The following HHAT variants were observed in gnomAD, a reference collection of about 807,000 sequenced individuals.
HHAT encodes the protein protein-cysteine N-palmitoyltransferase HHAT.
A neutral mutation model predicts 70.8 loss-of-function variants in HHAT; 47 were observed. That is an observed-to-expected ratio of 0.66 (90% CI 0.53 to 0.85). The LOEUF is 0.85. HHAT is among the 40% of genes least tolerant of loss of function. HHAT has a pLI of 0.00. For missense variants in HHAT, 609 were observed against 604.8 expected, an observed-to-expected ratio of 1.01 and a Z score of -0.07; for synonymous variants, 228 against 247.6, an observed-to-expected ratio of 0.92 and a Z score of 0.74.
chr1:210,663,775 A>G (rs1162921232), intron 11 of HHAT, among the ~76,000 whole-genome samples: 1 of 152,148 alleles, frequency 6.6e-6, no homozygotes, highest in African/African-American at 2.4e-5. Context: ...CCCCAGATCT[A>G]CTGGATCAGA....
chr1:210,584,410 C>T (rs1431969713), intron 9 of HHAT, among the ~76,000 whole-genome samples: 1 of 152,130 alleles, frequency 6.6e-6, no homozygotes, highest in Non-Finnish European at 1.5e-5. Context: ...TTTATTTTTA[C>T]ATACAACACT....
At chr1:210,435,645 GAT>G (rs2148339316) in intron 7 of HHAT, among the ~76,000 whole-genome samples, 1 of 151,654 alleles carries the variant, frequency 6.6e-6, no homozygotes, top group South Asian at 2.1e-4. Context: ...TTATTTTTTT[GAT>G]AAAAGCCATC....
At chr1:210,501,839 A>G (rs1017810065) in intron 8 of HHAT, among the ~76,000 whole-genome samples, 2 of 152,102 alleles carry the variant, frequency 1.3e-5, no homozygotes, top group Non-Finnish European at 2.9e-5. Context: ...CATCAAGAAC[A>G]CTGCCTTGCT....
Position 210,550,709 on chromosome 1 carries a change from G to A in HHAT, c.1044-37189G>A, listed in dbSNP as rs564359770. On this transcript the variant is annotated intron_variant, in intron 9 of 11. Coordinates refer to ENST00000261458, the MANE Select transcript of HHAT (RefSeq NM_018194.6). Reference sequence around the variant, plus strand: ...TTTTGAGACAGAGTCTCACTCTGTTGCCCAGGCTGGAGTGCAGTGGCATGA... The same window carrying A: ...TTTTGAGACAGAGTCTCACTCTGTTACCCAGGCTGGAGTGCAGTGGCATGA... 6.6e-4 allele frequency among the ~76,000 whole-genome samples: 98 copies of A among 148,946 alleles called. 6 individuals carry two copies. Among genetic ancestry groups the A allele is most frequent in the African/African-American group, 2.4e-3 (97 of 40,326 alleles).
intron 8 of HHAT, among the ~76,000 whole-genome samples, chr1:210,492,519 G>A (rs999717718): frequency 3.9e-5 from 6 of 152,192 alleles, no homozygotes; most frequent in African/African-American, 1.4e-4. Flanking sequence ...GTCTAACGTG[G>A]TTGTAATGGT....
intron 9 of HHAT, among the ~76,000 whole-genome samples, chr1:210,579,316 G>A (rs573164221): frequency 2.0e-5 from 3 of 152,208 alleles, no homozygotes; most frequent in Admixed American, 1.3e-4. Context: ...TCATAGAAGC[G>A]AAGAATAGAA....
chr1:210,455,013 G>C (rs189183293), intron 7 of HHAT, among the ~76,000 whole-genome samples: 34 of 152,226 alleles, frequency 2.2e-4, no homozygotes, highest in Admixed American at 1.2e-3. Flanking sequence ...CCTTTCTACA[G>C]ATCACTGGCT....
chr1:210,514,199 T>C (rs2095012042), intron 9 of HHAT, among the ~76,000 whole-genome samples: 1 of 152,196 alleles, frequency 6.6e-6, no homozygotes, highest in African/African-American at 2.4e-5. Context: ...ATGCATACCT[T>C]GTCCTCTTTG....
intron 9 of HHAT, among the ~76,000 whole-genome samples, chr1:210,569,215 A>G (rs542401038): frequency 2.0e-5 from 3 of 151,744 alleles, no homozygotes; most frequent in Non-Finnish European, 4.4e-5. Flanking sequence ...CTCTACTAAA[A>G]ATACAAAAAT....
intron 9 of HHAT, among the ~76,000 whole-genome samples, chr1:210,519,826 C>CTT (rs561537666): frequency 0.2 from 25,652 of 127,004 alleles, 3,186 homozygotes; most frequent in South Asian, 0.28. Context: ...CCACACTTGG[C>CTT]TTTTTTTTTT....
chr1:210,428,564 A>G (rs2093148446), intron 7 of HHAT, among the ~76,000 whole-genome samples: 1 of 144,832 alleles, frequency 6.9e-6, no homozygotes, highest in Non-Finnish European at 1.5e-5. Flanking sequence ...TTATGACACC[A>G]GCTTGTTGAA....
chr1:210,398,396 C>T (rs549871428), intron 4 of HHAT, among the ~76,000 whole-genome samples: 47 of 152,214 alleles, frequency 3.1e-4, no homozygotes, highest in Admixed American at 9.2e-4. Flanking sequence ...TATTAAGTGT[C>T]GTCTGCCTGT....
intron 3 of HHAT, among the ~76,000 whole-genome samples, chr1:210,375,863 T>C (rs1457329839): frequency 4.2e-5 from 6 of 143,640 alleles, no homozygotes. Context: ...GTTCAATAAT[T>C]AAAAAAAAAA....
At chr1:210,396,923 C>G (rs1572142448) in intron 4 of HHAT, among the ~76,000 whole-genome samples, 1 of 152,140 alleles carries the variant, frequency 6.6e-6, no homozygotes, top group East Asian at 1.9e-4. Context: ...TATAAAATGG[C>G]AACACAAGGA....
intron 7 of HHAT, chr1:210,439,505 AC>A (rs1357125054): frequency 2.6e-5 from 4 of 151,544 alleles, no homozygotes; most frequent in Non-Finnish European, 5.9e-5. Flanking sequence ...TGATCATTCC[AC>A]CCCATCTATT....
chr1:210,400,753 G>A (rs1572167398), intron 5 of HHAT, 91 bp downstream of exon 5: 1 of 1,210,630 alleles, frequency 8.3e-7, no homozygotes, highest in East Asian at 2.4e-5. Context: ...TCAGACAAGA[G>A]ATGATTGTAG....
intron 7 of HHAT, among the ~76,000 whole-genome samples, chr1:210,447,572 A>G (rs1226642102): frequency 6.6e-6 from 1 of 152,240 alleles, no homozygotes. Flanking sequence ...GACAATTCCC[A>G]GTCAAGCATT....
chr1:210,664,742 A>AGAACCACATGT (rs1270777156), intron 11 of HHAT, among the ~76,000 whole-genome samples: 2 of 152,270 alleles, frequency 1.3e-5, no homozygotes, highest in Non-Finnish European at 2.9e-5. Flanking sequence ...GGGCCTCTGC[A>AGAACCACATGT]GAACCACATG....
chr1:210,485,125 A>C (rs2094454945), intron 8 of HHAT, among the ~76,000 whole-genome samples: 1 of 152,206 alleles, frequency 6.6e-6, no homozygotes, highest in South Asian at 2.1e-4. Context: ...AAGACAGTAC[A>C]TGAGAATATG....
Sources: allele counts gnomAD v4.1 joint callset (sites outside exome capture counted in the v4.1 genomes callset), GRCh38; gene constraint gnomAD v4.1.1; transcripts MANE v1.5; gene names NCBI Gene and HGNC (gene_info 2026-07-23, HGNC 2026-07-21).